Variants in CSMD2 observed in about 807,000 individuals in gnomAD.
The protein encoded by CSMD2 is CUB and Sushi multiple domains 2, also known as CUB and sushi domain-containing protein 2.
Under a neutral mutation model 398.5 loss-of-function variants are expected in CSMD2, and 130 were observed. The observed-to-expected ratio is 0.33, with a 90% CI of 0.28 to 0.38. CSMD2 has a LOEUF of 0.38. CSMD2 is among the 10% of genes least tolerant of loss of function. CSMD2 has a pLI of 1.00. For missense variants in CSMD2, 3,829 were observed against 4,764.9 expected, an observed-to-expected ratio of 0.80 and a Z score of 5.78; for synonymous variants, 1,828 against 1,908.5, an observed-to-expected ratio of 0.96 and a Z score of 1.10.
intron 3 of CSMD2, among the ~76,000 whole-genome samples, chr1:34,010,008 A>T (rs1647194882): frequency 6.6e-6 from 1 of 152,080 alleles, no homozygotes; most frequent in Non-Finnish European, 1.5e-5. Context: ...GAAATGTCTA[A>T]TTGTGTCACC....
intron 56 of CSMD2, among the ~76,000 whole-genome samples, chr1:33,548,288 T>A (rs945882173): frequency 2.0e-5 from 3 of 152,132 alleles, no homozygotes; most frequent in African/African-American, 7.2e-5. Flanking sequence ...CCCACTACAG[T>A]ATTGGAGGCT....
At chr1:33,930,605 G>A (rs924802892) in intron 4 of CSMD2, among the ~76,000 whole-genome samples, 5 of 152,128 alleles carry the variant, frequency 3.3e-5, no homozygotes, top group Admixed American at 2.0e-4. Flanking sequence ...TATGAATTCC[G>A]TCACTTCCCC....
At chr1:33,647,800 A>G (rs1037404194) in intron 28 of CSMD2, among the ~76,000 whole-genome samples, 4 of 152,256 alleles carry the variant, frequency 2.6e-5, no homozygotes, top group Non-Finnish European at 5.9e-5. Context: ...AGCAGTTTAC[A>G]AATGGATAAC....
chr1:33,759,323 TC>T (rs148757863), intron 13 of CSMD2, among the ~76,000 whole-genome samples: 21 of 145,142 alleles, frequency 1.4e-4, no homozygotes, highest in Non-Finnish European at 2.9e-4. Flanking sequence ...TCTTTTTTTT[TC>T]TTTTTTTTTT....
At chr1:33,683,756 C>T (rs1323803728) in intron 25 of CSMD2, among the ~76,000 whole-genome samples, 1 of 152,190 alleles carries the variant, frequency 6.6e-6, no homozygotes, top group Admixed American at 6.5e-5. Flanking sequence ...TATCCACATC[C>T]TCTCCTTCAA....
intron 6 of CSMD2, among the ~76,000 whole-genome samples, chr1:33,831,193 C>T: frequency 6.6e-6 from 1 of 151,896 alleles, no homozygotes; most frequent in Non-Finnish European, 1.5e-5. Context: ...AAGAGCAACT[C>T]TAAGACACAT....
intron 4 of CSMD2, among the ~76,000 whole-genome samples, chr1:33,918,713 A>G (rs748505397): frequency 6.6e-6 from 1 of 152,240 alleles, no homozygotes; most frequent in Non-Finnish European, 1.5e-5. Context: ...GAGAACACTG[A>G]GCCAAAAAGA....
intron 6 of CSMD2, among the ~76,000 whole-genome samples, chr1:33,830,050 C>T (rs1391851751): frequency 6.6e-6 from 1 of 152,236 alleles, no homozygotes; most frequent in Non-Finnish European, 1.5e-5. Flanking sequence ...GGAGGCCTGC[C>T]TGCCTCTGTA....
At chr1:33,726,721 A>G in intron 15 of CSMD2, 36 bp from the exon 16 acceptor site, 1 of 1,589,496 alleles carries the variant, frequency 6.3e-7, no homozygotes, top group South Asian at 1.1e-5. Flanking sequence ...AGCTTTCTTC[A>G]GGGACAAATG....
chr1:33,957,632 C>A (rs1269336610), intron 3 of CSMD2, among the ~76,000 whole-genome samples: 1 of 152,126 alleles, frequency 6.6e-6, no homozygotes, highest in Non-Finnish European at 1.5e-5. Context: ...CCAGGTTGGC[C>A]AAAGACACTA....
intron 13 of CSMD2, among the ~76,000 whole-genome samples, chr1:33,756,602 T>C (rs1470170854): frequency 6.6e-6 from 1 of 152,140 alleles, no homozygotes; most frequent in Non-Finnish European, 1.5e-5. Context: ...GGGAATGAGC[T>C]TGGTGCATGT....
rs577814268 is a variant in CSMD2 at position 33,597,012 on chromosome 1, T to C, written c.6856+3853A>G. ...TATCTAGACTTATATTAGAAGAAGA[T>C]GCTTCCCAAAATTTATTTCTATTAC... On this transcript the variant is annotated intron_variant, in intron 44 of 70. Coordinates refer to ENST00000373381, the MANE Select transcript of CSMD2 (RefSeq NM_001281956.2). Among the ~76,000 whole-genome samples, 16 of 152,328 alleles carry C rather than the reference T, an allele frequency of 1.1e-4. No homozygotes were observed. The South Asian group carries it at 3.1e-3, about 30-fold the overall frequency.
intron 5 of CSMD2, chr1:33,878,319 T>G (rs1169071728): frequency 6.6e-6 from 1 of 152,274 alleles, no homozygotes; most frequent in African/African-American, 2.4e-5. Flanking sequence ...GCAACCACAC[T>G]TCCCCTCTGA....
At chr1:33,666,175 CA>C (rs1360795486) in intron 25 of CSMD2, among the ~76,000 whole-genome samples, 2 of 152,162 alleles carry the variant, frequency 1.3e-5, no homozygotes, top group African/African-American at 4.8e-5. Flanking sequence ...TCCATATTCT[CA>C]AATTTTGATT....
chr1:33,871,287 T>G (rs1053665142), intron 5 of CSMD2, among the ~76,000 whole-genome samples: 1 of 152,196 alleles, frequency 6.6e-6, no homozygotes, highest in African/African-American at 2.4e-5. Flanking sequence ...AGAAGTATTC[T>G]GAGAAGCTTG....
rs758898333 is a variant in CSMD2 at position 33,652,481 on chromosome 1, A to C, written c.4448-20T>G. 2 of 1,611,564 alleles carry C rather than the reference A, an allele frequency of 1.2e-6. No individual in the cohort carries two copies. Among genetic ancestry groups the C allele is most frequent in the Non-Finnish European group, 1.7e-6 (2 of 1,178,100 alleles). On this transcript the variant is annotated intron_variant, in intron 27 of 70. Transcript: ENST00000373381. ...AGGGAGCTGAGGAGAGAAGAAGACG[A>C]GGGTGAGGCTGCCTCTTCACCCTGG...
chr1:33,532,658 C>T (rs1226627077), intron 64 of CSMD2, among the ~76,000 whole-genome samples: 4 of 152,162 alleles, frequency 2.6e-5, no homozygotes, highest in East Asian at 3.9e-4. Context: ...AAATAGAGAA[C>T]GAGTGAATGA....
chr1:33,546,611 C>A (rs1656922346), intron 56 of CSMD2, among the ~76,000 whole-genome samples: 1 of 152,212 alleles, frequency 6.6e-6, no homozygotes, highest in Non-Finnish European at 1.5e-5. Context: ...AGACATTCAA[C>A]ATTCTTTTGC....
intron 48 of CSMD2, among the ~76,000 whole-genome samples, chr1:33,580,017 C>T (rs1177848086): frequency 6.6e-6 from 1 of 152,100 alleles, no homozygotes; most frequent in Non-Finnish European, 1.5e-5. Flanking sequence ...CATTGTTTGC[C>T]TGGAATGTAG....
Sources: gnomAD v4.1 joint callset for allele counts (sites outside exome capture counted in the v4.1 genomes callset) on GRCh38, gnomAD v4.1.1 for gene constraint, MANE v1.5 for transcripts, NCBI Gene and HGNC (gene_info 2026-07-23, HGNC 2026-07-21) for gene names.